MAST4: variants seen among roughly 807,000 people sequenced by gnomAD.
MAST4 encodes the protein microtubule associated serine/threonine kinase family member 4.
A neutral mutation model predicts 162.7 loss-of-function variants in MAST4; 89 were observed. The ratio of observed to expected loss-of-function variants is 0.55; its 90% CI spans 0.46 to 0.65. The LOEUF (loss-of-function observed/expected upper bound fraction) is 0.65. MAST4 is among the 30% of genes least tolerant of loss of function. The pLI, the probability that MAST4 is intolerant of heterozygous loss-of-function variation, is 0.00. For missense variants in MAST4, 3,153 were observed against 3,374.0 expected, an observed-to-expected ratio of 0.93 and a Z score of 1.62; for synonymous variants, 1,479 against 1,361.1, an observed-to-expected ratio of 1.09 and a Z score of -1.91.
chr5:66,927,378 A>G (rs1190837174), intron 4 of MAST4, among the ~76,000 whole-genome samples: 1 of 152,246 alleles, frequency 6.6e-6, no homozygotes, highest in Non-Finnish European at 1.5e-5. Context: ...TGACAGCTAC[A>G]TATCCAGGTG....
At chr5:66,852,204 G>A (rs529076305) in intron 3 of MAST4, among the ~76,000 whole-genome samples, 12 of 152,198 alleles carry the variant, frequency 7.9e-5, no homozygotes, top group African/African-American at 1.7e-4. Context: ...CTGGAGTGCC[G>A]TGGTGCAATC....
Position 67,050,463 on chromosome 5 carries a change from A to G in MAST4, c.675-3941A>G, listed in dbSNP as rs1758035192. ...CCTCAGGGGCAGCCAGTCCTCCCTC[A>G]AGGTCCTATCATCAGAACATCTTTT... On this transcript the variant is annotated intron_variant, in intron 4 of 28. Transcript: ENST00000403625. Among the ~76,000 whole-genome samples, 4 of 152,002 alleles carry G rather than the reference A, an allele frequency of 2.6e-5. No homozygotes were observed. The South Asian group carries it at 8.3e-4, about 32-fold the overall frequency.
intron 4 of MAST4, among the ~76,000 whole-genome samples, chr5:66,998,844 A>G (rs1750956816): frequency 6.6e-6 from 1 of 152,170 alleles, no homozygotes; most frequent in African/African-American, 2.4e-5. Context: ...CAGTGGAAGA[A>G]CCCTTTCATG....
At chr5:66,651,736 G>A (rs1240829619) in intron 1 of MAST4, among the ~76,000 whole-genome samples, 1 of 152,146 alleles carries the variant, frequency 6.6e-6, no homozygotes, top group Non-Finnish European at 1.5e-5. Context: ...CACTCTAGGT[G>A]TCAAGCCAGG....
chr5:67,016,154 G>T (rs766168342), intron 4 of MAST4, among the ~76,000 whole-genome samples: 18 of 152,100 alleles, frequency 1.2e-4, no homozygotes, highest in Non-Finnish European at 2.1e-4. Context: ...GGAGGAGGGA[G>T]GGGGAGGATA....
rs771165431 is a variant in MAST4, at chr5:67,114,159, A to G, written c.1531A>G (p.Lys511Glu). The G allele has an allele frequency of 1.1e-5, 17 of 1,612,664 alleles. No homozygotes were observed. Among genetic ancestry groups the G allele is most frequent in the Non-Finnish European group, 1.4e-5 (17 of 1,179,466 alleles). ...CCATGCCAAAGAAGGACAGGGTATTAAAACCGACATTCCCAGGTACATCAT... is the reference window on the plus strand; with the variant it reads ...CCATGCCAAAGAAGGACAGGGTATTGAAACCGACATTCCCAGGTACATCAT... The part of the protein sequence containing the change: ...EGHAKEGQGI[K>E]TDIPRYIISQ... The change falls in exon 12 of 29, where the codon AAA (lysine) becomes GAA (glutamate). Residue 511 changes from lysine to glutamate, a missense_variant. Transcript: ENST00000403625.
chr5:66,602,396 G>A (rs969069682), intron 1 of MAST4, among the ~76,000 whole-genome samples: 3 of 152,158 alleles, frequency 2.0e-5, no homozygotes, highest in African/African-American at 7.2e-5. Context: ...TTCCACTCTG[G>A]TCTGAAGTAC....
chr5:67,062,266 C>T (rs1759715659), intron 5 of MAST4, among the ~76,000 whole-genome samples: 1 of 152,034 alleles, frequency 6.6e-6, no homozygotes, highest in Non-Finnish European at 1.5e-5. Flanking sequence ...GGCGTGGTGG[C>T]ACATACCTGT....
At chr5:66,914,243 C>T (rs1561440366) in intron 4 of MAST4, among the ~76,000 whole-genome samples, 1 of 151,978 alleles carries the variant, frequency 6.6e-6, no homozygotes, top group African/African-American at 2.4e-5. Flanking sequence ...AAATTCTAGT[C>T]TAAGAGATGG....
chr5:66,813,398 A>C (rs1243354056), intron 3 of MAST4, among the ~76,000 whole-genome samples: 2 of 152,210 alleles, frequency 1.3e-5, no homozygotes, highest in African/African-American at 4.8e-5. Context: ...CCCTCCTTCA[A>C]GGAAACTAAG....
At chr5:66,759,566 C>G in intron 1 of MAST4, 143 bp from the exon 2 acceptor site, 1 of 1,035,530 alleles carries the variant, frequency 9.7e-7, no homozygotes, top group East Asian at 2.7e-5. Context: ...TCTAAATTCT[C>G]TAACGTAGCA....
intron 5 of MAST4, among the ~76,000 whole-genome samples, chr5:67,057,442 A>G (rs1175431524): frequency 6.6e-6 from 1 of 152,078 alleles, no homozygotes; most frequent in African/African-American, 2.4e-5. Flanking sequence ...ATCAGTAGAG[A>G]TGGGGACATT....
chr5:66,688,910 A>G (rs764939811), intron 1 of MAST4, among the ~76,000 whole-genome samples: 1 of 152,166 alleles, frequency 6.6e-6, no homozygotes, highest in Non-Finnish European at 1.5e-5. Context: ...AGTTAACTGA[A>G]GAGGAACATT....
At chr5:66,895,701 A>G (rs1235772224) in intron 3 of MAST4, among the ~76,000 whole-genome samples, 1 of 152,122 alleles carries the variant, frequency 6.6e-6, no homozygotes, top group Non-Finnish European at 1.5e-5. Context: ...GTATTTCTAT[A>G]GCTTCCTAAA....
intron 21 of MAST4, chr5:67,142,750 T>G (rs1770554617): frequency 2.3e-6 from 1 of 440,296 alleles, no homozygotes; most frequent in African/African-American, 2.0e-5. Context: ...CTCTTTCCTG[T>G]GAGACAACAG....
At position 66,883,536 on chromosome 5, in the gene MAST4, C is replaced by G. The variant is rs570876320; in HGVS notation, c.643-16415C>G. Among the ~76,000 whole-genome samples, 335 of 149,238 alleles carry G rather than the reference C, an allele frequency of 2.2e-3. 1 individual carries two copies. The highest frequency in any genetic ancestry group is 5.6e-3 in the Admixed American group (82 of 14,706). ...CTCCGCCTCCTGGGTTCAAGTGATTCTCCTGCCTCAGCCTCCCGAGTAGCT... is the reference window on the plus strand; with the variant it reads ...CTCCGCCTCCTGGGTTCAAGTGATTGTCCTGCCTCAGCCTCCCGAGTAGCT... On this transcript the variant is annotated intron_variant, in intron 3 of 28. Transcript: ENST00000403625.
At position 67,168,844 on chromosome 5, in the gene MAST4, G is replaced by A. The variant is rs1433620233; in HGVS notation, c.*1793G>A. ...CTGAAAACAAAGGCATAACTTAACC[G>A]ACTGCTCAGTTGTCCTTCGTTGTAA... On this transcript the variant is annotated 3_prime_UTR_variant, in exon 29 of 29. Transcript: ENST00000403625. 6.6e-6 allele frequency: 1 copy of A among 151,966 alleles called. No homozygotes were observed. Among genetic ancestry groups the A allele is most frequent in the Non-Finnish European group, 1.5e-5 (1 of 68,010 alleles). The allele number at this position is 151,966 out of a possible 1,614,324, so 9.4% of individuals were successfully genotyped here.
chr5:66,650,923 T>C (rs771982073), intron 1 of MAST4, among the ~76,000 whole-genome samples: 2 of 152,192 alleles, frequency 1.3e-5, no homozygotes, highest in Non-Finnish European at 2.9e-5. Flanking sequence ...GAGCTCAAAG[T>C]AACTGGATGG....
At chr5:66,825,924 A>C (rs890979246) in intron 3 of MAST4, among the ~76,000 whole-genome samples, 27 of 152,236 alleles carry the variant, frequency 1.8e-4, no homozygotes, top group Non-Finnish European at 3.2e-4. Flanking sequence ...TGGAGGTATA[A>C]AATCACAGGA....
Sources: allele counts gnomAD v4.1 joint callset (sites outside exome capture counted in the v4.1 genomes callset), GRCh38; gene constraint gnomAD v4.1.1; transcripts MANE v1.5; gene names NCBI Gene and HGNC (gene_info 2026-07-23, HGNC 2026-07-21).